Variants in ATP11C observed in about 807,000 individuals in gnomAD.
ATP11C encodes the protein ATPase phospholipid transporting 11C (ATP11C blood group).
In ATP11C, 36 loss-of-function variants were observed where a neutral mutation model predicts 97.4. The ratio of observed to expected loss-of-function variants is 0.37; its 90% CI spans 0.28 to 0.49. The LOEUF (loss-of-function observed/expected upper bound fraction) is 0.49. Among genes scored for constraint, ATP11C ranks in the 20% least tolerant of loss-of-function variants. The probability of loss-of-function intolerance (pLI) is 0.98; values close to 1 mark genes in which losing one functional copy is unlikely to be tolerated. For synonymous variants in ATP11C, 275 were observed against 290.9 expected, an observed-to-expected ratio of 0.95 and a Z score of 0.56; for missense variants, 730 against 824.6, an observed-to-expected ratio of 0.89 and a Z score of 1.40.
chrX:139,896,549 AC>A (rs1227877953), intron 1 of ATP11C, among the ~76,000 whole-genome samples: 2 of 6,461 alleles, frequency 3.1e-4, no homozygotes, highest in African/African-American at 1.6e-3. Context: ...AATTTTATAC[AC>A]ACACACACAC....
At chrX:139,744,673 T>C (rs2081642574) in intron 25 of ATP11C, among the ~76,000 whole-genome samples, 1 of 112,111 alleles carries the variant, frequency 8.9e-6, no homozygotes, top group African/African-American at 3.2e-5. Flanking sequence ...TTCTTCTTAC[T>C]GATGGGCAAA....
At chrX:139,802,010 T>A (rs890158215) in intron 7 of ATP11C, among the ~76,000 whole-genome samples, 12 of 111,610 alleles carry the variant, frequency 1.1e-4, no homozygotes, top group African/African-American at 3.9e-4. Flanking sequence ...TTACAAGTAA[T>A]AAAAATAAAA....
chrX:139,815,118 G>A, intron 4 of ATP11C, 133 bp from the exon 5 acceptor site: 1 of 372,514 alleles, frequency 2.7e-6, no homozygotes, highest in East Asian at 4.8e-5. Context: ...GAATGCTAAA[G>A]AGACAATGCT....
At chrX:139,873,147 A>AT (rs1278270006) in intron 1 of ATP11C, among the ~76,000 whole-genome samples, 2 of 112,350 alleles carry the variant, frequency 1.8e-5, no homozygotes, top group East Asian at 2.8e-4. Context: ...TGACTTGTAA[A>AT]TTTTTTTATC....
At position 139,803,379 on chromosome X, in the gene ATP11C, C is replaced by T. The variant is rs189976651; in HGVS notation, c.556-1040G>A. ...CTTTTTTACATACTGAGTCGTAGTC[C>T]TCAACTCCAGATGGAATAAACAAAC... On this transcript the variant is annotated intron_variant, in intron 6 of 29. Transcript: ENST00000682941. Among the ~76,000 whole-genome samples the T allele has an allele frequency of 2.7e-3, 302 of 111,048 alleles. 3 individuals carry two copies. The highest frequency in any genetic ancestry group is 9.3e-3 in the African/African-American group (283 of 30,550).
chrX:139,781,494 T>C (rs1399280737), intron 18 of ATP11C, among the ~76,000 whole-genome samples: 1 of 111,766 alleles, frequency 8.9e-6, no homozygotes, highest in Non-Finnish European at 1.9e-5. Context: ...CAGAAGCTTA[T>C]TTGAGGCCAG....
chrX:139,817,966 A>C (rs1466271464), intron 3 of ATP11C, among the ~76,000 whole-genome samples: 1 of 111,280 alleles, frequency 9.0e-6, no homozygotes, highest in Non-Finnish European at 1.9e-5. Context: ...CCAACCCTCA[A>C]CAAGCCCTGC....
At chrX:139,926,094 C>T (rs1259261382) in intron 1 of ATP11C, among the ~76,000 whole-genome samples, 2 of 110,794 alleles carry the variant, frequency 1.8e-5, no homozygotes, top group African/African-American at 6.6e-5. Context: ...TTACGATCAC[C>T]GCTAATCTAC....
intron 1 of ATP11C, among the ~76,000 whole-genome samples, chrX:139,926,495 G>A (rs1373753045): frequency 9.0e-6 from 1 of 111,263 alleles, no homozygotes; most frequent in Non-Finnish European, 1.9e-5. Context: ...AGGGGCCACT[G>A]GCCATCCTTT....
chrX:139,740,514 C>T (rs984435249), intron 27 of ATP11C, among the ~76,000 whole-genome samples: 3 of 111,932 alleles, frequency 2.7e-5, no homozygotes, highest in African/African-American at 9.7e-5. Context: ...CAAAATACAA[C>T]CCTCTGAATT....
At chrX:139,860,136 G>C (rs1178182092) in intron 1 of ATP11C, among the ~76,000 whole-genome samples, 2 of 104,598 alleles carry the variant, frequency 1.9e-5, no homozygotes, top group Non-Finnish European at 4.0e-5. Context: ...AGAAAAGAAA[G>C]TGCTTAACAA....
intron 1 of ATP11C, among the ~76,000 whole-genome samples, chrX:139,870,702 A>C (rs1377054342): frequency 8.9e-6 from 1 of 112,628 alleles, no homozygotes; most frequent in Non-Finnish European, 1.9e-5. Context: ...ATAATTTGTA[A>C]TATATAGTAA....
chrX:139,814,593 T>C (rs977323654), intron 5 of ATP11C, among the ~76,000 whole-genome samples: 24 of 110,971 alleles, frequency 2.2e-4, no homozygotes, highest in African/African-American at 7.5e-4. Flanking sequence ...ACATTCTGAG[T>C]GAAAGAAGCT....
Position 139,751,785 on chromosome X carries a change from T to TA in ATP11C, c.2701-1634dup, listed in dbSNP as rs748838014. On this transcript the variant is annotated intron_variant, in intron 23 of 29. Coordinates refer to ENST00000682941, the MANE Select transcript of ATP11C (RefSeq NM_001353812.2). ...ACCTGTTACAATGTTTCCTTTTCATTAAAAAAAAAAAAAAGACATTTAGTA... is the reference window on the plus strand; with the variant it reads ...ACCTGTTACAATGTTTCCTTTTCATTAAAAAAAAAAAAAAAGACATTTAGTA... 5.1e-3 allele frequency among the ~76,000 whole-genome samples: 508 copies of TA among 98,982 alleles called. 1 individual carries two copies. Among genetic ancestry groups the TA allele is most frequent in the African/African-American group, 8.2e-3 (223 of 27,335 alleles). 86.0% of individuals were successfully genotyped at this position (98,982 alleles called of 115,157 possible). A position where few individuals can be genotyped will look rare whatever the true frequency, so the allele number is the denominator to read the frequency against.
chrX:139,831,340 C>A (rs2083644791), intron 1 of ATP11C, among the ~76,000 whole-genome samples: 1 of 99,520 alleles, frequency 1.0e-5, no homozygotes, highest in African/African-American at 4.6e-5. Context: ...CCAATGGCTT[C>A]ACATTTAATT....
intron 5 of ATP11C, 64 bp downstream of exon 5, chrX:139,814,814 A>T: frequency 1.6e-6 from 1 of 642,185 alleles, no homozygotes; most frequent in Non-Finnish European, 2.3e-6. Flanking sequence ...AAATGACACT[A>T]AATTATACAC....
rs761590855 is a variant in ATP11C at position 139,800,126 on chromosome X, A to C, written c.660-16T>G. On this transcript the variant is annotated splice_polypyrimidine_tract_variant and intron_variant, in intron 7 of 29. Coordinates refer to ENST00000682941, the MANE Select transcript of ATP11C (RefSeq NM_001353812.2). ...CCCAACAAATCTGTAAAAAGAACAA[A>C]ATTGCAAATGTGTTTTCTACATCCA... 12 of 1,153,704 alleles carry C rather than the reference A, an allele frequency of 1.0e-5. No homozygotes were observed. In the African/African-American group the frequency reaches 2.2e-4, roughly 21 times the overall value.
At chrX:139,735,923 T>C (rs1330359658) in intron 28 of ATP11C, among the ~76,000 whole-genome samples, 1 of 111,810 alleles carries the variant, frequency 8.9e-6, no homozygotes, top group Non-Finnish European at 1.9e-5. Flanking sequence ...AACAAATGTT[T>C]ATTGGTTCAA....
chrX:139,766,852 G>A (rs1355486863), intron 20 of ATP11C, among the ~76,000 whole-genome samples: 2 of 111,878 alleles, frequency 1.8e-5, no homozygotes, highest in Non-Finnish European at 1.9e-5. Flanking sequence ...AAGAAAGCAT[G>A]TAGGAGGTGG....
Sources: gnomAD v4.1 joint callset for allele counts (sites outside exome capture counted in the v4.1 genomes callset) on GRCh38, gnomAD v4.1.1 for gene constraint, MANE v1.5 for transcripts, NCBI Gene and HGNC (gene_info 2026-07-23, HGNC 2026-07-21) for gene names.